Variants in RSU1 observed in about 807,000 individuals in gnomAD.
RSU1 encodes the protein Ras suppressor protein 1, also known as rsu-1.
In RSU1, 26 loss-of-function variants were observed where a neutral mutation model predicts 31.1. The observed-to-expected ratio is 0.84, with a 90% CI of 0.61 to 1.16. The LOEUF is 1.16. Ranked by LOEUF, RSU1 falls within the 50% of genes most tolerant of loss-of-function variation. RSU1 has a pLI of 0.00. For missense variants in RSU1, 320 were observed against 339.1 expected, an observed-to-expected ratio of 0.94 and a Z score of 0.44; for synonymous variants, 164 against 136.3, an observed-to-expected ratio of 1.20 and a Z score of -1.41.
At chr10:16,751,361 C>G (rs772946144) in intron 7 of RSU1, among the ~76,000 whole-genome samples, 1 of 152,150 alleles carries the variant, frequency 6.6e-6, no homozygotes, top group African/African-American at 2.4e-5. Flanking sequence ...AGCAAGAGAG[C>G]TAAGGGAAAT....
chr10:16,680,006 G>A (rs147660695), intron 8 of RSU1, among the ~76,000 whole-genome samples: 1,513 of 150,798 alleles, frequency 0.01, 30 homozygotes, highest in African/African-American at 0.034. Context: ...CTCAGCCTCC[G>A]GAGTACCTGG....
intron 8 of RSU1, among the ~76,000 whole-genome samples, chr10:16,610,988 C>T (rs1268256277): frequency 1.3e-5 from 2 of 152,230 alleles, no homozygotes; most frequent in Admixed American, 6.5e-5. Flanking sequence ...TCCTGAAGCC[C>T]GTAAATGCTA....
At chr10:16,606,240 T>A (rs1833802162) in intron 8 of RSU1, among the ~76,000 whole-genome samples, 1 of 152,188 alleles carries the variant, frequency 6.6e-6, no homozygotes. Flanking sequence ...TTTTTAATGT[T>A]GATAAGAACT....
chr10:16,601,689 G>T (rs1387525448), intron 8 of RSU1, among the ~76,000 whole-genome samples: 1 of 152,174 alleles, frequency 6.6e-6, no homozygotes, highest in Non-Finnish European at 1.5e-5. Context: ...CCTGGCACCT[G>T]GCATGGAGCA....
At chr10:16,807,039 G>A (rs547057196) in intron 2 of RSU1, among the ~76,000 whole-genome samples, 14 of 152,220 alleles carry the variant, frequency 9.2e-5, no homozygotes, top group Middle Eastern at 3.4e-3. Context: ...ATTACAGCAG[G>A]CATGAGTCAG....
At chr10:16,688,425 C>T (rs1246693596) in intron 8 of RSU1, among the ~76,000 whole-genome samples, 5 of 151,876 alleles carry the variant, frequency 3.3e-5, no homozygotes, top group African/African-American at 4.8e-5. Context: ...GCCAACAAGG[C>T]GAAACCCTGT....
chr10:16,679,750 C>T (rs974418778), intron 8 of RSU1, among the ~76,000 whole-genome samples: 5 of 152,062 alleles, frequency 3.3e-5, no homozygotes, highest in Non-Finnish European at 5.9e-5. Flanking sequence ...GCCAGCTCAG[C>T]TCCCACGTGG....
chr10:16,745,756 C>A (rs1381519199), intron 7 of RSU1, among the ~76,000 whole-genome samples: 1 of 152,160 alleles, frequency 6.6e-6, no homozygotes, highest in Non-Finnish European at 1.5e-5. Flanking sequence ...CTGAAGGTCA[C>A]AGAACAAGGC....
intron 2 of RSU1, among the ~76,000 whole-genome samples, chr10:16,795,916 C>A (rs551414924): frequency 7.9e-5 from 12 of 152,202 alleles, no homozygotes; most frequent in African/African-American, 1.4e-4. Flanking sequence ...ACTCTCCATT[C>A]TCCGCTTGAG....
intron 2 of RSU1, among the ~76,000 whole-genome samples, chr10:16,811,416 T>C (rs12253979): frequency 0.22 from 33,304 of 152,178 alleles, 4,507 homozygotes; most frequent in African/African-American, 0.38. Context: ...CTTATAGATA[T>C]TAATTCACAA....
At chr10:16,741,175 G>A (rs770035502) in intron 7 of RSU1, among the ~76,000 whole-genome samples, 43 of 152,198 alleles carry the variant, frequency 2.8e-4, no homozygotes, top group African/African-American at 1.0e-3. Flanking sequence ...CTGTCAATTG[G>A]TTGTTGACAA....
Position 16,806,296 on chromosome 10 carries a change from C to G in RSU1, c.109+10677G>C, listed in dbSNP as rs115527356. On this transcript the variant is annotated intron_variant, in intron 2 of 8. Coordinates refer to ENST00000345264, the MANE Select transcript of RSU1 (RefSeq NM_012425.4). The stretch of plus-strand genomic sequence containing the variant: ...GGTGGCCACAGGCACTCAGCATGCT[C>G]GCTGAATTAGCCGTTATCTTCATCT... Among the ~76,000 whole-genome samples, 901 of 152,236 alleles carry G rather than the reference C, an allele frequency of 5.9e-3. 11 individuals are homozygous for G. The highest frequency in any genetic ancestry group is 0.019 in the African/African-American group (805 of 41,542).
chr10:16,678,705 T>C (rs1473514892), intron 8 of RSU1, among the ~76,000 whole-genome samples: 1 of 152,152 alleles, frequency 6.6e-6, no homozygotes, highest in African/African-American at 2.4e-5. Flanking sequence ...AAATAGGACA[T>C]TCAATAGGTA....
chr10:16,816,944 C>T, intron 2 of RSU1, 29 bp downstream of exon 2: 1 of 1,498,138 alleles, frequency 6.7e-7, no homozygotes, highest in Non-Finnish European at 9.3e-7. Context: ...TCCAGCTCAT[C>T]CACGGGAGAG....
intron 8 of RSU1, among the ~76,000 whole-genome samples, chr10:16,615,208 GA>G (rs911725545): frequency 2.1e-3 from 300 of 143,466 alleles, no homozygotes; most frequent in African/African-American, 6.5e-3. Context: ...CAAATGGAGA[GA>G]AAAAAAAAAG....
intron 7 of RSU1, among the ~76,000 whole-genome samples, chr10:16,696,997 T>A (rs943786565): frequency 6.6e-6 from 1 of 152,214 alleles, no homozygotes; most frequent in Non-Finnish European, 1.5e-5. Flanking sequence ...ATGGTTTTTT[T>A]CTCTAATTTT....
At chr10:16,667,050 C>T (rs117250278) in intron 8 of RSU1, among the ~76,000 whole-genome samples, 1,800 of 151,602 alleles carry the variant, frequency 0.012, 35 homozygotes, top group East Asian at 0.075. Context: ...ACAACAACAA[C>T]AACAAAAAAC....
intron 4 of RSU1, among the ~76,000 whole-genome samples, chr10:16,758,655 T>C (rs1203099299): frequency 1.3e-5 from 2 of 152,154 alleles, no homozygotes; most frequent in African/African-American, 2.4e-5. Context: ...AGAGAAAATA[T>C]CCGAAGCACC....
chr10:16,682,741 C>T (rs1317101540), intron 8 of RSU1, among the ~76,000 whole-genome samples: 1 of 152,136 alleles, frequency 6.6e-6, no homozygotes, highest in Non-Finnish European at 1.5e-5. Flanking sequence ...TCCAAGAACC[C>T]TCTCTTGGGG....
Sources: allele counts gnomAD v4.1 joint callset (sites outside exome capture counted in the v4.1 genomes callset), GRCh38; gene constraint gnomAD v4.1.1; transcripts MANE v1.5; gene names NCBI Gene and HGNC (gene_info 2026-07-23, HGNC 2026-07-21).